VPS26C: variants seen among roughly 807,000 people sequenced by gnomAD.
The protein encoded by VPS26C is VPS26 endosomal protein sorting factor C.
In VPS26C, 19 loss-of-function variants were observed where a neutral mutation model predicts 30.6. The ratio of observed to expected loss-of-function variants is 0.62; its 90% CI spans 0.43 to 0.91. The LOEUF is 0.91. VPS26C is among the 40% of genes least tolerant of loss of function. The pLI is 0.00. For missense variants in VPS26C, 318 were observed against 385.1 expected (o/e 0.83, Z 1.46); for synonymous variants, 132 against 151.5 (o/e 0.87, Z 0.95).
intron 4 of VPS26C, 28 bp from the exon 5 acceptor site, chr21:37,232,479 G>A (rs758627160): frequency 1.3e-6 from 2 of 1,584,620 alleles, no homozygotes; most frequent in Admixed American, 3.3e-5. Flanking sequence ...ACCGAAATCA[G>A]TAGGTGAAGG....
chr21:37,233,400 C>T lies in VPS26C; in HGVS notation c.394G>A (p.Asp132Asn). ...CDMKRSLLAKDLTKTCEFIVH... is the reference protein window; with the variant it reads ...CDMKRSLLAKNLTKTCEFIVH... ...ATAAATTCACAGGTCTTTGTCAAGT[C>T]CTTGGCCAACAGAGACCGCTTCATG... The change falls in exon 4 of 8, where the codon GAC becomes AAC. Residue 132 changes from aspartate (D) to asparagine (N), a missense_variant. By Grantham distance (23) the Asp-to-Asn change is conservative (BLOSUM62 1). Transcript: ENST00000309117. The surrounding 1 kb of genome is among the most constrained non-coding windows in gnomAD (Gnocchi z 5.2). 1.2e-6 allele frequency: 2 copies of T among 1,614,130 alleles called. No individual in the cohort carries two copies. The highest frequency in any genetic ancestry group is 1.7e-6 in the Non-Finnish European group (2 of 1,180,012).
At chr21:37,264,621 A>C (rs2086340304) in intron 1 of VPS26C, among the ~76,000 whole-genome samples, 1 of 152,170 alleles carries the variant, frequency 6.6e-6, no homozygotes, top group Non-Finnish European at 1.5e-5. Flanking sequence ...TCCCATTGTT[A>C]TTTTGAAACA....
intron 3 of VPS26C, among the ~76,000 whole-genome samples, chr21:37,235,689 C>T (rs758442210): frequency 2.6e-5 from 4 of 151,646 alleles, no homozygotes; most frequent in Admixed American, 6.6e-5. Context: ...CTCTGATGAT[C>T]ATATGAAGTA....
intron 1 of VPS26C, among the ~76,000 whole-genome samples, chr21:37,256,609 T>A (rs1219370305): frequency 1.3e-5 from 2 of 152,188 alleles, no homozygotes; most frequent in East Asian, 1.9e-4. Context: ...GGAAAGGCAC[T>A]ATTTCTCTGA....
chr21:37,245,928 C>G (rs1052545205), intron 1 of VPS26C, among the ~76,000 whole-genome samples: 1 of 151,948 alleles, frequency 6.6e-6, no homozygotes, highest in African/African-American at 2.4e-5. Context: ...CAAACCACCA[C>G]AGAAAATAAA....
intron 1 of VPS26C, among the ~76,000 whole-genome samples, chr21:37,264,171 T>TA (rs1381198656): frequency 1.3e-5 from 2 of 152,234 alleles, no homozygotes; most frequent in East Asian, 1.9e-4. Context: ...TGTCGCCTTT[T>TA]AAAAAAACAT....
At chr21:37,239,593 G>A (rs543827600) in intron 2 of VPS26C, among the ~76,000 whole-genome samples, 12 of 146,744 alleles carry the variant, frequency 8.2e-5, no homozygotes, top group Non-Finnish European at 1.6e-4. Flanking sequence ...CTTCTCAGAA[G>A]AGCTGTGATC....
chr21:37,242,547 C>T (rs2086098125), intron 1 of VPS26C, among the ~76,000 whole-genome samples: 1 of 152,102 alleles, frequency 6.6e-6, no homozygotes, highest in African/African-American at 2.4e-5. Flanking sequence ...GAATGAGCCA[C>T]TGCACTCCAG....
At chr21:37,232,531 T>C (rs1467564796) in intron 4 of VPS26C, 80 bp from the exon 5 acceptor site, 13 of 1,239,940 alleles carry the variant, frequency 1.0e-5, no homozygotes, top group African/African-American at 7.4e-5. Flanking sequence ...CTTTCAAAAA[T>C]AAACCAACGG....
At chr21:37,265,432 C>T (rs2086348531) in intron 1 of VPS26C, among the ~76,000 whole-genome samples, 1 of 152,174 alleles carries the variant, frequency 6.6e-6, no homozygotes, top group South Asian at 2.1e-4. Flanking sequence ...CAGTCTACGG[C>T]TTGACACTTT....
In VPS26C at chr21:37,258,052, G is replaced by A. The variant is rs567403345; in HGVS notation, c.57+9186C>T. On this transcript the variant is annotated intron_variant, in intron 1 of 7. Transcript: ENST00000309117. ...GTGAAGAGACTAAGCGGCCACAGCA[G>A]GGGGAAGGGTTGCTCACATAACCCC... Among the ~76,000 whole-genome samples the A allele has an allele frequency of 6.6e-5, 10 of 152,342 alleles. No individual in the cohort carries two copies. The East Asian group carries it at 1.4e-3, about 21-fold the overall frequency.
At chr21:37,253,746 A>T (rs1047674802) in intron 1 of VPS26C, among the ~76,000 whole-genome samples, 2 of 152,128 alleles carry the variant, frequency 1.3e-5, no homozygotes, top group Non-Finnish European at 2.9e-5. Context: ...TAGTCTGAAA[A>T]TCTGAAATCT....
At chr21:37,266,655 T>A (rs908940324) in intron 1 of VPS26C, 1 of 153,068 alleles carries the variant, frequency 6.5e-6, no homozygotes, top group African/African-American at 2.4e-5. Flanking sequence ...AAGATTTTAC[T>A]TTTTTATACT....
intron 1 of VPS26C, among the ~76,000 whole-genome samples, chr21:37,250,319 A>T (rs75658899): frequency 6.6e-6 from 1 of 151,900 alleles, no homozygotes; most frequent in African/African-American, 2.4e-5. Context: ...AAAAAAAAAA[A>T]TCAAGTTGGA....
chr21:37,244,051 C>G (rs2086113554), intron 1 of VPS26C, among the ~76,000 whole-genome samples: 1 of 152,202 alleles, frequency 6.6e-6, no homozygotes, highest in African/African-American at 2.4e-5. Context: ...CGAGGGGCTC[C>G]TCCAAGTCCC....
In VPS26C at chr21:37,238,292, T is replaced by C. The variant is rs147140493; in HGVS notation, c.351+168A>G. ...TCAGAAATAACGGCCATACATCAAA[T>C]GCATTTATCAGGGAAATGAGAAATT... On this transcript the variant is annotated intron_variant, in intron 3 of 7. Transcript: ENST00000309117. 166 of 739,672 alleles carry C rather than the reference T, an allele frequency of 2.2e-4. No individual in the cohort carries two copies. The African/African-American group carries it at 2.7e-3, about 12-fold the overall frequency. The allele number at this position is 739,672 out of a possible 1,614,324, so 45.8% of individuals were successfully genotyped here. A position where few individuals can be genotyped will look rare whatever the true frequency, so the allele number is the denominator to read the frequency against.
At chr21:37,265,908 CTCTTT>C (rs2086354985) in intron 1 of VPS26C, among the ~76,000 whole-genome samples, 5 of 116,180 alleles carry the variant, frequency 4.3e-5, no homozygotes, top group Non-Finnish European at 7.0e-5. Context: ...GTAGCTTTTT[CTCTTT>C]TTTTTTTTTT....
Position 37,225,466 on chromosome 21 carries a change from G to C in VPS26C, c.*78C>G, listed in dbSNP as rs2085888919. On this transcript the variant is annotated 3_prime_UTR_variant, in exon 8 of 8. Coordinates refer to ENST00000309117, the MANE Select transcript of VPS26C (RefSeq NM_006052.2). ...CAAAAACAAGTATATGCCGCTGGCT[G>C]TAGCTCCCCTTAGGATTTGGATAAC... 1 of 1,236,612 alleles carries C rather than the reference G, an allele frequency of 8.1e-7. No homozygotes were observed. The highest frequency in any genetic ancestry group is 1.7e-5 in the Admixed American group (1 of 58,580). 76.6% of individuals were successfully genotyped at this position (1,236,612 alleles called of 1,614,324 possible). A position where few individuals can be genotyped will look rare whatever the true frequency, so the allele number is the denominator to read the frequency against.
intron 1 of VPS26C, among the ~76,000 whole-genome samples, chr21:37,256,004 T>G (rs1424201360): frequency 2.6e-5 from 4 of 151,922 alleles, no homozygotes; most frequent in Non-Finnish European, 5.9e-5. Flanking sequence ...CTAGGCTAAT[T>G]TTTGTATTTT....
Sources: allele counts gnomAD v4.1 joint callset (sites outside exome capture counted in the v4.1 genomes callset), GRCh38; gene constraint gnomAD v4.1.1; non-coding constraint Gnocchi (gnomAD v3.1); transcripts MANE v1.5; gene names NCBI Gene and HGNC (gene_info 2026-07-23, HGNC 2026-07-21).